The following KIAA0319L variants were observed in gnomAD, a reference collection of about 807,000 sequenced individuals.
The protein encoded by KIAA0319L is KIAA0319 like.
KIAA0319L carries 55 observed loss-of-function variants against 120.1 expected under a neutral mutation model. That is an observed-to-expected ratio of 0.46 (90% CI 0.37 to 0.57). KIAA0319L has a LOEUF of 0.57. KIAA0319L is among the 20% of genes least tolerant of loss of function. The pLI, the probability that KIAA0319L is intolerant of heterozygous loss-of-function variation, is 0.00. For synonymous variants in KIAA0319L, 398 were observed against 471.9 expected, an observed-to-expected ratio of 0.84 and a Z score of 2.03; for missense variants, 1,049 against 1,255.3, an observed-to-expected ratio of 0.84 and a Z score of 2.48.
In KIAA0319L at chr1:35,474,875, C is replaced by T; in HGVS notation, c.945G>A (p.Glu315=). Residue 315 remains glutamate, a synonymous_variant, in exon 5 of 21, where the codon GAG becomes GAA. Coordinates refer to ENST00000325722, the MANE Select transcript of KIAA0319L (RefSeq NM_024874.5). ...TCTTAGGCAGGGTTATCTGGACACT[C>T]TCTCCAGCAGATACCACCAGTTCCT... The part of the protein sequence containing the change: ...VIKELVVSAG[E]SVQITLPKNE... 1 of 1,609,486 alleles carries T rather than the reference C, an allele frequency of 6.2e-7. No homozygotes were observed. The highest frequency in any genetic ancestry group is 1.1e-5 in the South Asian group (1 of 90,874).
intron 12 of KIAA0319L, among the ~76,000 whole-genome samples, chr1:35,452,212 T>G (rs1411960405): frequency 1.3e-5 from 2 of 152,176 alleles, no homozygotes; most frequent in Non-Finnish European, 2.9e-5. Context: ...TCCTTCCTGA[T>G]GAAAGAAAAG....
intron 10 of KIAA0319L, 70 bp from the exon 11 acceptor site, chr1:35,454,555 G>C (rs904660624): frequency 6.3e-7 from 1 of 1,587,230 alleles, no homozygotes; most frequent in Non-Finnish European, 8.6e-7. Flanking sequence ...TCCGACTCTG[G>C]TAAAAACGAT....
intron 20 of KIAA0319L, chr1:35,438,912 G>A (rs529260498): frequency 6.6e-6 from 1 of 152,460 alleles, no homozygotes; most frequent in South Asian, 2.1e-4. Flanking sequence ...TTAGGAAGCT[G>A]AGGTGGAAGG....
intron 4 of KIAA0319L, among the ~76,000 whole-genome samples, chr1:35,478,502 C>G (rs1644004618): frequency 6.6e-6 from 1 of 152,268 alleles, no homozygotes; most frequent in East Asian, 1.9e-4. Flanking sequence ...CATTGCATGT[C>G]TGCATCAAAG....
chr1:35,450,552 A>G (rs1641984105), intron 13 of KIAA0319L, 43 bp from the exon 14 acceptor site: 1 of 1,555,764 alleles, frequency 6.4e-7, no homozygotes, highest in African/African-American at 1.4e-5. Flanking sequence ...CATTCTGGAA[A>G]AGAAGAAATG....
chr1:35,508,093 A>T (rs1205997440), intron 2 of KIAA0319L, among the ~76,000 whole-genome samples: 1 of 152,236 alleles, frequency 6.6e-6, no homozygotes, highest in Non-Finnish European at 1.5e-5. Flanking sequence ...TGTCAGGGTT[A>T]TATAGAAACA....
At position 35,442,829 on chromosome 1, in the gene KIAA0319L, C is replaced by T; in HGVS notation, c.2779+77G>A. On this transcript the variant is annotated intron_variant, in intron 18 of 20. Transcript: ENST00000325722. ...CTTGCCTGCTCATCTGCTTCAGAAA[C>T]ACCAACACCCACCCACTCAGTGCAG... The T allele has an allele frequency of 2.5e-6, 4 of 1,576,428 alleles. No individual in the cohort carries two copies. The South Asian group carries it at 4.5e-5, about 18-fold the overall frequency.
intron 2 of KIAA0319L, among the ~76,000 whole-genome samples, chr1:35,544,538 G>A (rs1646914013): frequency 6.6e-6 from 1 of 152,170 alleles, no homozygotes; most frequent in African/African-American, 2.4e-5. Context: ...CTTGGGGAGT[G>A]AAGTGCCCAC....
In KIAA0319L at chr1:35,448,231, G is replaced by A; in HGVS notation, c.2455C>T (p.Leu819=). The A allele has an allele frequency of 1.2e-6, 2 of 1,614,116 alleles. No individual in the cohort carries two copies. Among genetic ancestry groups the A allele is most frequent in the Non-Finnish European group, 1.7e-6 (2 of 1,180,006 alleles). Residue 819 remains leucine, a synonymous_variant, in exon 16 of 21, where the codon CTG becomes TTG. Coordinates refer to ENST00000325722, the MANE Select transcript of KIAA0319L (RefSeq NM_024874.5). The part of the protein sequence containing the change: ...GMFIRQIGVL[L]GVLDSDIIVQ... ...ATGATGTCGGAATCCAGCACCCCCA[G>A]GAGGACCCCAATCTGGCGGATGAAC...
At chr1:35,455,960 C>G in intron 10 of KIAA0319L, 53 bp downstream of exon 10, 1 of 1,365,428 alleles carries the variant, frequency 7.3e-7, no homozygotes, top group Middle Eastern at 1.9e-4. Flanking sequence ...AAAATGCAGT[C>G]CAGCAGCTCT....
intron 3 of KIAA0319L, among the ~76,000 whole-genome samples, chr1:35,493,558 A>G (rs1420738689): frequency 6.6e-6 from 1 of 152,146 alleles, no homozygotes; most frequent in Non-Finnish European, 1.5e-5. Context: ...CAGCTGGTAT[A>G]CATGTCTTTC....
In KIAA0319L at chr1:35,448,992, T is replaced by C. The variant is rs142207573; in HGVS notation, c.2354-660A>G. Among the ~76,000 whole-genome samples, 147 of 152,340 alleles carry C rather than the reference T, an allele frequency of 9.6e-4. 1 individual carries two copies. The East Asian group carries it at 0.026, about 27-fold the overall frequency. On this transcript the variant is annotated intron_variant, in intron 15 of 20. Coordinates refer to ENST00000325722, the MANE Select transcript of KIAA0319L (RefSeq NM_024874.5). Reference sequence around the variant, plus strand: ...TTCTACATTTGGAATTTCAAACTGATTGTTTGGAATGCCTTATTTACATAC... The same window carrying C: ...TTCTACATTTGGAATTTCAAACTGACTGTTTGGAATGCCTTATTTACATAC...
intron 2 of KIAA0319L, among the ~76,000 whole-genome samples, chr1:35,531,349 A>C (rs1646359734): frequency 6.6e-6 from 1 of 152,154 alleles, no homozygotes; most frequent in African/African-American, 2.4e-5. Context: ...TCTGGGCCCA[A>C]CCAGTGTCTT....
chr1:35,532,058 C>G (rs923733252), intron 2 of KIAA0319L, among the ~76,000 whole-genome samples: 1 of 151,864 alleles, frequency 6.6e-6, no homozygotes, highest in Non-Finnish European at 1.5e-5. Context: ...GTCAGGAGTT[C>G]GAGACCAGCC....
chr1:35,450,606 C>T, intron 13 of KIAA0319L, 97 bp from the exon 14 acceptor site: 1 of 1,221,372 alleles, frequency 8.2e-7, no homozygotes, highest in Non-Finnish European at 1.2e-6. Context: ...TCAAGAGTAC[C>T]TTAACTGGAG....
chr1:35,487,558 G>A (rs1644435884), intron 3 of KIAA0319L, among the ~76,000 whole-genome samples: 1 of 152,180 alleles, frequency 6.6e-6, no homozygotes, highest in Admixed American at 6.5e-5. Flanking sequence ...GCCACTACAG[G>A]TCTGCCTGTG....
At chr1:35,478,554 C>A (rs1415691190) in intron 4 of KIAA0319L, among the ~76,000 whole-genome samples, 2 of 151,664 alleles carry the variant, frequency 1.3e-5, no homozygotes, top group Non-Finnish European at 2.9e-5. Context: ...ACTATATATC[C>A]ACAAAAATTA....
At chr1:35,521,898 G>A (rs1227405511) in intron 2 of KIAA0319L, among the ~76,000 whole-genome samples, 2 of 151,904 alleles carry the variant, frequency 1.3e-5, no homozygotes, top group East Asian at 3.9e-4. Flanking sequence ...GCGTGAACCC[G>A]GGAGGTGGAG....
intron 16 of KIAA0319L, among the ~76,000 whole-genome samples, chr1:35,445,230 T>G (rs553456742): frequency 6.6e-6 from 1 of 152,242 alleles, no homozygotes; most frequent in Non-Finnish European, 1.5e-5. Flanking sequence ...TGACATAAAA[T>G]CTGAGAAGTA....
Sources: gnomAD v4.1 joint callset for allele counts (sites outside exome capture counted in the v4.1 genomes callset) on GRCh38, gnomAD v4.1.1 for gene constraint, MANE v1.5 for transcripts, NCBI Gene and HGNC (gene_info 2026-07-23, HGNC 2026-07-21) for gene names.